RFWD3: variants seen among roughly 807,000 people sequenced by gnomAD.
RFWD3 encodes the protein E3 ubiquitin-protein ligase RFWD3.
Under a neutral mutation model 87.7 loss-of-function variants are expected in RFWD3, and 65 were observed. The ratio of observed to expected loss-of-function variants is 0.74; its 90% CI spans 0.61 to 0.91. The LOEUF (loss-of-function observed/expected upper bound fraction) is 0.91. Among genes scored for constraint, RFWD3 ranks in the 40% least tolerant of loss-of-function variants. The pLI is 0.00. For synonymous variants in RFWD3, 433 were observed against 352.8 expected, an observed-to-expected ratio of 1.23 and a Z score of -2.55; for missense variants, 1,078 against 938.5, an observed-to-expected ratio of 1.15 and a Z score of -1.94.
In RFWD3 at chr16:74,651,902, C is replaced by T; in HGVS notation, c.721+18G>A. 3 of 1,612,288 alleles carry T rather than the reference C, an allele frequency of 1.9e-6. No homozygotes were observed. The highest frequency in any genetic ancestry group is 2.5e-6 in the Non-Finnish European group (3 of 1,178,880). On this transcript the variant is annotated intron_variant, in intron 3 of 12. Transcript: ENST00000361070. Reference sequence around the variant, plus strand: ...TGGATGTTAGCCTTGTGAGTCCAAACCTGGGTAAAATACTGACCTTCTAAA... The same window carrying T: ...TGGATGTTAGCCTTGTGAGTCCAAATCTGGGTAAAATACTGACCTTCTAAA...
chr16:74,644,807 G>C, intron 4 of RFWD3, 72 bp from the exon 5 acceptor site: 1 of 1,431,080 alleles, frequency 7.0e-7, no homozygotes, highest in Non-Finnish European at 9.5e-7. Flanking sequence ...GTGCAACTAA[G>C]AAATTAACAG....
At chr16:74,643,865 G>A (rs1324172912) in intron 6 of RFWD3, 1 of 166,332 alleles carries the variant, frequency 6.0e-6, no homozygotes, top group Non-Finnish European at 1.3e-5. Context: ...TTTTAGTAGA[G>A]ACGGGGTTTC....
chr16:74,646,370 T>C (rs1193461917), intron 4 of RFWD3, among the ~76,000 whole-genome samples: 6 of 152,154 alleles, frequency 3.9e-5, no homozygotes, highest in South Asian at 2.1e-4. Flanking sequence ...AATGAGACCC[T>C]GTCTCAAAAA....
chr16:74,665,924 C>A (rs1442858921), intron 1 of RFWD3, among the ~76,000 whole-genome samples: 2 of 152,016 alleles, frequency 1.3e-5, no homozygotes, highest in Admixed American at 1.3e-4. Flanking sequence ...TCTCGAACTC[C>A]TGGCCTCAGG....
chr16:74,633,917 G>A (rs1363679848), intron 8 of RFWD3, among the ~76,000 whole-genome samples: 1 of 151,168 alleles, frequency 6.6e-6, no homozygotes, highest in East Asian at 1.9e-4. Context: ...ACCCCTCCCT[G>A]CATTCCAGCC....
intron 8 of RFWD3, among the ~76,000 whole-genome samples, chr16:74,635,192 G>A (rs1959184076): frequency 6.6e-6 from 1 of 151,960 alleles, no homozygotes; most frequent in Non-Finnish European, 1.5e-5. Flanking sequence ...AGGCAGAATG[G>A]CATGAACCCG....
intron 2 of RFWD3, among the ~76,000 whole-genome samples, chr16:74,653,890 G>T (rs897910982): frequency 2.6e-5 from 4 of 152,136 alleles, no homozygotes; most frequent in African/African-American, 9.7e-5. Flanking sequence ...TCAATAGACA[G>T]AAGATTTTTT....
At chr16:74,639,437 G>A (rs1027238441) in intron 6 of RFWD3, among the ~76,000 whole-genome samples, 9 of 152,272 alleles carry the variant, frequency 5.9e-5, no homozygotes, top group African/African-American at 2.2e-4. Flanking sequence ...ATCTGTCATT[G>A]ACCCAAAGGT....
intron 8 of RFWD3, among the ~76,000 whole-genome samples, chr16:74,633,426 T>C (rs1319306566): frequency 6.7e-6 from 1 of 150,058 alleles, no homozygotes; most frequent in Non-Finnish European, 1.5e-5. Context: ...AAACATGTGA[T>C]GGAATACCAC....
chr16:74,628,770 A>T (rs1959009606), intron 10 of RFWD3, 104 bp from the exon 11 acceptor site: 5 of 927,428 alleles, frequency 5.4e-6, no homozygotes, highest in Non-Finnish European at 8.4e-6. Flanking sequence ...AGAGGAGGTT[A>T]AACGCCTTTA....
chr16:74,621,681 C>G lies in RFWD3; in HGVS notation c.*2247G>C, dbSNP rs1256089604. The G allele has an allele frequency of 9.1e-6, 1 of 110,210 alleles. No individual in the cohort carries two copies. The highest frequency in any genetic ancestry group is 1.8e-5 in the Non-Finnish European group (1 of 56,230). The allele number at this position is 110,210 out of a possible 1,614,324, so 6.8% of individuals were successfully genotyped here. ...CTACAACGGGGACTGGGAATGGCAT[C>G]AGGGTTTTTTTTTGTTTGTTTGTTT... On this transcript the variant is annotated 3_prime_UTR_variant, in exon 13 of 13. Transcript: ENST00000361070.
rs1046069042 is a variant in RFWD3, at chr16:74,638,747, A to T, written c.1080-777T>A. 3.3e-5 allele frequency among the ~76,000 whole-genome samples: 5 copies of T among 152,356 alleles called. No homozygotes were observed. The East Asian group carries it at 9.6e-4, about 29-fold the overall frequency. On this transcript the variant is annotated intron_variant, in intron 6 of 12. Transcript: ENST00000361070. ...AACTGATTAGTAAATGTAATTTAAA[A>T]AATTCATTCACAACAATTTTAACAG...
At chr16:74,654,523 T>G (rs984693551) in intron 2 of RFWD3, among the ~76,000 whole-genome samples, 2 of 152,150 alleles carry the variant, frequency 1.3e-5, no homozygotes, top group South Asian at 4.1e-4. Flanking sequence ...TTGGGATTCC[T>G]TATTCCCTGA....
chr16:74,657,058 G>C (rs1961039626), intron 2 of RFWD3, among the ~76,000 whole-genome samples: 1 of 152,148 alleles, frequency 6.6e-6, no homozygotes, highest in Admixed American at 6.5e-5. Context: ...AAATGATTTA[G>C]GCTTTTCACA....
chr16:74,645,749 T>A, intron 4 of RFWD3, among the ~76,000 whole-genome samples: 1 of 138,172 alleles, frequency 7.2e-6, no homozygotes, highest in East Asian at 2.1e-4. Flanking sequence ...TATTTTCTTT[T>A]TTTTTTTTTT....
At chr16:74,636,137 A>G (rs772961110) in intron 8 of RFWD3, among the ~76,000 whole-genome samples, 6 of 152,200 alleles carry the variant, frequency 3.9e-5, no homozygotes, top group Non-Finnish European at 5.9e-5. Context: ...GGTTATCAGT[A>G]TTTCTACCCT....
chr16:74,646,728 G>C (rs1960176093), intron 4 of RFWD3, among the ~76,000 whole-genome samples: 1 of 152,036 alleles, frequency 6.6e-6, no homozygotes, highest in Admixed American at 6.6e-5. Flanking sequence ...GGAAAGAAAA[G>C]AATTAACTCA....
chr16:74,647,653 G>A (rs968990034), intron 4 of RFWD3, among the ~76,000 whole-genome samples: 5 of 152,098 alleles, frequency 3.3e-5, no homozygotes, highest in African/African-American at 9.6e-5. Context: ...GCGCAGTGAC[G>A]CTATTTGGGC....
rs549873711 is a variant in RFWD3, at chr16:74,661,361, T to A, written c.89A>T (p.Gln30Leu). ...AGGCTGGAGGAGGGCTGGTCCCCCT[T>A]GGCTGCTGGCCATGCCAGCAGGAGC... is the stretch of plus-strand genomic sequence containing the variant. ...QPAPAGMASS[Q>L]GGPALLQPVP... Residue 30 changes from glutamine (Q) to leucine (L), a missense_variant, in exon 2 of 13, where the codon CAA becomes CTA. Coordinates refer to ENST00000361070, the MANE Select transcript of RFWD3 (RefSeq NM_018124.4). The A allele has an allele frequency of 6.2e-7, 1 of 1,614,060 alleles. No homozygotes were observed.
Sources: gnomAD v4.1 joint callset for allele counts (sites outside exome capture counted in the v4.1 genomes callset) on GRCh38, gnomAD v4.1.1 for gene constraint, MANE v1.5 for transcripts, NCBI Gene and HGNC (gene_info 2026-07-23, HGNC 2026-07-21) for gene names.